DRGX: variants seen among roughly 807,000 people sequenced by gnomAD.
The protein encoded by DRGX is dorsal root ganglia homeobox protein.
DRGX carries 21 observed loss-of-function variants against 28.6 expected under a neutral mutation model. That is an observed-to-expected ratio of 0.73 (90% CI 0.52 to 1.06). The LOEUF (loss-of-function observed/expected upper bound fraction) is 1.06. Ranked by LOEUF, DRGX falls within the 50% of genes least tolerant of loss-of-function variation. DRGX has a pLI of 0.00. For synonymous variants in DRGX, 136 were observed against 139.1 expected (o/e 0.98, Z 0.16); for missense variants, 354 against 343.9 (o/e 1.03, Z -0.23).
chr10:49,370,163 G>A (rs1399334213), intron 6 of DRGX, among the ~76,000 whole-genome samples: 1 of 152,186 alleles, frequency 6.6e-6, no homozygotes, highest in Non-Finnish European at 1.5e-5. Context: ...CCAGCACTTT[G>A]GGAGGCCTAG....
At chr10:49,384,870 G>T (rs536231163) in intron 6 of DRGX, among the ~76,000 whole-genome samples, 2 of 152,210 alleles carry the variant, frequency 1.3e-5, no homozygotes, top group East Asian at 3.9e-4. Flanking sequence ...CAGAGACGCC[G>T]TGGGAATCAC....
At chr10:49,393,604 CTATAAT>C (rs1270187870) in intron 2 of DRGX, among the ~76,000 whole-genome samples, 1 of 152,196 alleles carries the variant, frequency 6.6e-6, no homozygotes, top group Non-Finnish European at 1.5e-5. Flanking sequence ...AGATGATAGG[CTATAAT>C]TATGTCATAT....
intron 6 of DRGX, among the ~76,000 whole-genome samples, chr10:49,378,336 A>T (rs954615358): frequency 2.0e-5 from 3 of 152,194 alleles, no homozygotes; most frequent in African/African-American, 7.2e-5. Context: ...CACACACACC[A>T]CATATTGCAC....
In DRGX at chr10:49,365,769, C is replaced by G. The variant is rs2132466104; in HGVS notation, c.*347G>C. ...GGTTGACAAGACCTTCAAAGGCAGC[C>G]CAGGGAGGAAATAGGAAGGGAGACG... On this transcript the variant is annotated 3_prime_UTR_variant, in exon 7 of 7. Transcript: ENST00000374139. 4.8e-6 allele frequency: 1 copy of G among 207,796 alleles called. No individual in the cohort carries two copies. Among genetic ancestry groups the G allele is most frequent in the Admixed American group, 5.9e-5 (1 of 16,876 alleles). The allele number at this position is 207,796 out of a possible 1,614,324, so 12.9% of individuals were successfully genotyped here. A position where few individuals can be genotyped will look rare whatever the true frequency, so the allele number is the denominator to read the frequency against.
intron 6 of DRGX, among the ~76,000 whole-genome samples, chr10:49,385,973 C>T (rs373560288): frequency 4.6e-5 from 7 of 152,094 alleles, no homozygotes; most frequent in African/African-American, 7.2e-5. Flanking sequence ...ATGCCCCTAA[C>T]GATTTCTATC....
At chr10:49,380,385 C>T (rs927937566) in intron 6 of DRGX, among the ~76,000 whole-genome samples, 9 of 152,202 alleles carry the variant, frequency 5.9e-5, no homozygotes, top group East Asian at 3.8e-4. Flanking sequence ...CAAACCCAAG[C>T]GCCTCCCTGG....
chr10:49,377,749 C>T (rs1400667767), intron 6 of DRGX, among the ~76,000 whole-genome samples: 2 of 152,314 alleles, frequency 1.3e-5, no homozygotes, highest in East Asian at 3.9e-4. Context: ...TGCAACCTCA[C>T]GAAAGAGCCT....
chr10:49,390,009 A>G, intron 4 of DRGX, 124 bp downstream of exon 4: 1 of 832,226 alleles, frequency 1.2e-6, no homozygotes, highest in South Asian at 2.0e-5. Flanking sequence ...AAAGTGCATC[A>G]TGAAAATGAC....
At chr10:49,376,804 A>C (rs1200341743) in intron 6 of DRGX, among the ~76,000 whole-genome samples, 2 of 152,080 alleles carry the variant, frequency 1.3e-5, no homozygotes, top group Admixed American at 1.3e-4. Context: ...TGCACAGCTC[A>C]AGCATCTTCT....
At chr10:49,375,632 A>G (rs970110053) in intron 6 of DRGX, among the ~76,000 whole-genome samples, 20 of 151,780 alleles carry the variant, frequency 1.3e-4, no homozygotes, top group African/African-American at 4.9e-4. Context: ...CTCAGCAAAC[A>G]CTCATTGATG....
chr10:49,395,383 C>A, intron 2 of DRGX, 24 bp downstream of exon 2: 10 of 1,548,476 alleles, frequency 6.5e-6, no homozygotes, highest in Non-Finnish European at 8.7e-6. Flanking sequence ...TTCATGGAGA[C>A]CCTGGGGCGC....
rs777092913 is a variant in DRGX, at chr10:49,366,108, G to A, written c.*8C>T. ...GGGAGGGCAGGCCGGGCGGGGCACT[G>A]TGGACCCTCATACACTCTTCTCTGC... On this transcript the variant is annotated 3_prime_UTR_variant, in exon 7 of 7. Coordinates refer to ENST00000374139, the MANE Select transcript of DRGX (RefSeq NM_001276451.2). The A allele has an allele frequency of 1.9e-5, 30 of 1,550,094 alleles. No homozygotes were observed. The highest frequency in any genetic ancestry group is 2.4e-5 in the Non-Finnish European group (28 of 1,142,996).
chr10:49,382,692 T>C (rs1295802567), intron 6 of DRGX, among the ~76,000 whole-genome samples: 1 of 152,118 alleles, frequency 6.6e-6, no homozygotes, highest in African/African-American at 2.4e-5. Flanking sequence ...TCACCCTACC[T>C]CTGGGCACTC....
intron 6 of DRGX, 43 bp from the exon 7 acceptor site, chr10:49,366,424 C>T: frequency 6.4e-7 from 1 of 1,554,828 alleles, no homozygotes; most frequent in East Asian, 2.3e-5. Context: ...TGTCTACTTT[C>T]TGCCTCTCAG....
At chr10:49,395,584 G>T (rs1045664114) in intron 1 of DRGX, 63 bp from the exon 2 acceptor site, 2 of 966,570 alleles carry the variant, frequency 2.1e-6, no homozygotes, top group Non-Finnish European at 1.6e-6. Context: ...CCCAGCCCTA[G>T]GGCGCACCCG....
At chr10:49,391,424 C>T (rs1849903992) in intron 2 of DRGX, 163 bp from the exon 3 acceptor site, 1 of 636,626 alleles carries the variant, frequency 1.6e-6, no homozygotes, top group Admixed American at 2.7e-5. Flanking sequence ...CTCTTTTCCA[C>T]TCTGTCCCCA....
rs1849573847 is a variant in DRGX, at chr10:49,364,252, A to G, written c.*1864T>C. 1 of 152,212 alleles carries G rather than the reference A, an allele frequency of 6.6e-6. No homozygotes were observed. The highest frequency in any genetic ancestry group is 2.1e-4 in the South Asian group (1 of 4,830). 9.4% of individuals were successfully genotyped at this position (152,212 alleles called of 1,614,324 possible). ...CGATATGATCCAGTTTTGCACAGTCACTAGAGTGTCGCATCATGAATTATT... is the reference window on the plus strand; with the variant it reads ...CGATATGATCCAGTTTTGCACAGTCGCTAGAGTGTCGCATCATGAATTATT... On this transcript the variant is annotated 3_prime_UTR_variant, in exon 7 of 7. Coordinates refer to ENST00000374139, the MANE Select transcript of DRGX (RefSeq NM_001276451.2).
chr10:49,391,400 C>T, intron 2 of DRGX, 139 bp from the exon 3 acceptor site: 1 of 671,548 alleles, frequency 1.5e-6, no homozygotes, highest in Non-Finnish European at 2.6e-6. Context: ...TTCTGTTCCT[C>T]CTATTAAATC....
rs1849594472 is a variant in DRGX, at chr10:49,366,044, G to A, written c.*72C>T. 6 of 1,466,222 alleles carry A rather than the reference G, an allele frequency of 4.1e-6. No individual in the cohort carries two copies. The highest frequency in any genetic ancestry group is 2.4e-4 in the Middle Eastern group (1 of 4,210). The allele number at this position is 1,466,222 out of a possible 1,614,324, so 90.8% of individuals were successfully genotyped here. On this transcript the variant is annotated 3_prime_UTR_variant, in exon 7 of 7. Coordinates refer to ENST00000374139, the MANE Select transcript of DRGX (RefSeq NM_001276451.2). ...CAGGCTTCTCCTTGCTATTTGGAGA[G>A]TTTTCTGTAGGGGCTGAGGCTGGGA...
Sources: gnomAD v4.1 joint callset for allele counts (sites outside exome capture counted in the v4.1 genomes callset) on GRCh38, gnomAD v4.1.1 for gene constraint, MANE v1.5 for transcripts, NCBI Gene and HGNC (gene_info 2026-07-23, HGNC 2026-07-21) for gene names.